The following ADAM22 variants were observed in gnomAD, a reference collection of about 807,000 sequenced individuals.
ADAM22 encodes the protein ADAM metallopeptidase domain 22, also known as disintegrin and metalloproteinase domain-containing protein 22.
A neutral mutation model predicts 144.6 loss-of-function variants in ADAM22; 65 were observed. The observed-to-expected ratio is 0.45, with a 90% confidence interval of 0.37 to 0.55. The LOEUF is 0.55. Among genes scored for constraint, ADAM22 ranks in the 20% least tolerant of loss-of-function variants. The probability of loss-of-function intolerance (pLI) is 0.00; values close to 1 mark genes in which losing one functional copy is unlikely to be tolerated. For synonymous variants in ADAM22, 391 were observed against 412.6 expected (o/e 0.95, Z 0.63); for missense variants, 974 against 1,184.9 (o/e 0.82, Z 2.61).
rs778652405 is a variant in ADAM22 at position 88,128,589 on chromosome 7, TC to T, written c.679-11del. ...GGGCTGAATTAGGTGCTGTTTCCTTTCCTGTGTTACAGCTTCGTCGATATCC... is the reference window on the plus strand; with the variant it reads ...GGGCTGAATTAGGTGCTGTTTCCTTTCTGTGTTACAGCTTCGTCGATATCC... On this transcript the variant is annotated splice_polypyrimidine_tract_variant and intron_variant, in intron 8 of 31. Coordinates refer to ENST00000413139, the MANE Select transcript of ADAM22 (RefSeq NM_001324418.2). 1 of 1,606,940 alleles carries T rather than the reference TC, an allele frequency of 6.2e-7. No individual in the cohort carries two copies.
rs575539712 is a variant in ADAM22, at chr7:87,994,832, AT to A, written c.323+16432del. 1.2e-3 allele frequency among the ~76,000 whole-genome samples: 179 copies of A among 145,474 alleles called. 1 individual carries two copies. Among genetic ancestry groups the A allele is most frequent in the Middle Eastern group, 7.1e-3 (2 of 280 alleles). On this transcript the variant is annotated intron_variant, in intron 3 of 31. Coordinates refer to ENST00000413139, the MANE Select transcript of ADAM22 (RefSeq NM_001324418.2). ...CTTTGAAACAGCTTTCTAGCATTGT[AT>A]TTTTTTTTTTTGGAGACGGAGTCTT...
intron 3 of ADAM22, among the ~76,000 whole-genome samples, chr7:88,039,122 A>G (rs892010574): frequency 6.6e-6 from 1 of 151,948 alleles, no homozygotes; most frequent in African/African-American, 2.4e-5. Flanking sequence ...ATAATCATCA[A>G]GTTTATGAGA....
intron 2 of ADAM22, among the ~76,000 whole-genome samples, chr7:87,959,756 G>A (rs1000638400): frequency 1.3e-5 from 2 of 152,156 alleles, no homozygotes; most frequent in Non-Finnish European, 1.5e-5. Flanking sequence ...TGAGTCTTCT[G>A]TGAAAATTAA....
intron 3 of ADAM22, among the ~76,000 whole-genome samples, chr7:88,036,121 C>A (rs892844770): frequency 1.1e-4 from 16 of 152,094 alleles, no homozygotes; most frequent in African/African-American, 3.9e-4. Context: ...TATCACAGTA[C>A]TTTTTATGCT....
chr7:87,978,355 C>T lies in ADAM22; in HGVS notation c.266C>T (p.Ala89Val). ...GGPQLTHVDQ[A>V]SFQVDAFGTS... ...TTGTAGTTGACTCATGTTGACCAAGCAAGCTTCCAGGTTGATGCCTTTGGA... is the reference window on the plus strand; with the variant it reads ...TTGTAGTTGACTCATGTTGACCAAGTAAGCTTCCAGGTTGATGCCTTTGGA... The change falls in exon 3 of 32, where the codon GCA becomes GTA. Residue 89 changes from alanine (A) to valine (V), a missense_variant. Physicochemically the swap from Ala to Val is moderately conservative, Grantham distance 64. This residue lies in a region of ADAM22 where 240 missense variants were observed against 234.3 expected (regional missense o/e 1.02). Coordinates refer to ENST00000413139, the MANE Select transcript of ADAM22 (RefSeq NM_001324418.2). The T allele has an allele frequency of 1.2e-6, 2 of 1,613,402 alleles. No homozygotes were observed. Among genetic ancestry groups the T allele is most frequent in the Non-Finnish European group, 1.7e-6 (2 of 1,179,710 alleles).
chr7:87,978,278 A>G, intron 2 of ADAM22, 58 bp from the exon 3 acceptor site: 2 of 1,264,192 alleles, frequency 1.6e-6, no homozygotes, highest in Non-Finnish European at 2.3e-6. Context: ...AAGAAAGACT[A>G]ATTGTCTGAT....
intron 2 of ADAM22, among the ~76,000 whole-genome samples, chr7:87,971,966 G>C (rs1172863118): frequency 6.6e-6 from 1 of 152,188 alleles, no homozygotes; most frequent in Non-Finnish European, 1.5e-5. Flanking sequence ...CAAGGCGGGT[G>C]GATCACGAGG....
chr7:87,983,167 T>C (rs2129449930), intron 3 of ADAM22, among the ~76,000 whole-genome samples: 1 of 152,302 alleles, frequency 6.6e-6, no homozygotes. Flanking sequence ...TAGATATTTT[T>C]GCCTCTTTTA....
At chr7:88,053,077 T>A (rs185325877) in intron 3 of ADAM22, among the ~76,000 whole-genome samples, 1 of 152,220 alleles carries the variant, frequency 6.6e-6, no homozygotes, top group South Asian at 2.1e-4. Context: ...GCAATATCTA[T>A]TATTGCATTT....
chr7:88,051,580 T>C (rs1286531377), intron 3 of ADAM22, among the ~76,000 whole-genome samples: 2 of 152,154 alleles, frequency 1.3e-5, no homozygotes, highest in South Asian at 2.1e-4. Flanking sequence ...AGGGATAGCA[T>C]TAGGAGATAT....
chr7:88,068,060 T>C (rs1274125885), intron 3 of ADAM22, among the ~76,000 whole-genome samples: 1 of 152,180 alleles, frequency 6.6e-6, no homozygotes, highest in Non-Finnish European at 1.5e-5. Context: ...ATAACAGTTT[T>C]GGCACTTTAA....
chr7:88,018,618 G>A (rs1026943684), intron 3 of ADAM22, among the ~76,000 whole-genome samples: 1 of 152,270 alleles, frequency 6.6e-6, no homozygotes, highest in East Asian at 1.9e-4. Context: ...TGACAATAAG[G>A]CACATTGTGA....
chr7:88,064,657 G>A (rs1009684753), intron 3 of ADAM22, among the ~76,000 whole-genome samples: 3 of 152,090 alleles, frequency 2.0e-5, no homozygotes, highest in Admixed American at 1.3e-4. Flanking sequence ...TTGTTTTCAC[G>A]TGGCAGACAG....
chr7:88,020,879 C>G (rs2129465749), intron 3 of ADAM22, among the ~76,000 whole-genome samples: 1 of 151,954 alleles, frequency 6.6e-6, no homozygotes, highest in East Asian at 1.9e-4. Flanking sequence ...CTTTTAGTAC[C>G]CTAGTTGGGG....
intron 2 of ADAM22, among the ~76,000 whole-genome samples, chr7:87,958,155 CCATTTGACATACA>C (rs1373067079): frequency 7.9e-5 from 12 of 152,038 alleles, no homozygotes; most frequent in Admixed American, 7.9e-4. Flanking sequence ...GCAGTATATA[CCATTTGACATACA>C]CATTTGACAT....
rs35145003 is a variant in ADAM22 at position 88,083,587 on chromosome 7, T to TTGTGTGTGTGTGTGTG, written c.390+7927_390+7942dup. ...TTTTTTTTCTCTTTTTACTTTGTGT[T>TTGTGTGTGTGTGTGTG]TGTGTGTGTGTGTGTGTGTGTGTGT... is the stretch of plus-strand genomic sequence containing the variant. On this transcript the variant is annotated intron_variant, in intron 4 of 31. Transcript: ENST00000413139. Among the ~76,000 whole-genome samples the TTGTGTGTGTGTGTGTG allele has an allele frequency of 2.1e-4, 27 of 126,740 alleles. 1 individual carries two copies. Among genetic ancestry groups the TTGTGTGTGTGTGTGTG allele is most frequent in the African/African-American group, 8.0e-4 (27 of 33,552 alleles). 83.1% of individuals were successfully genotyped at this position (126,740 alleles called of 152,430 possible).
At chr7:87,955,658 A>G (rs1217534019) in intron 2 of ADAM22, among the ~76,000 whole-genome samples, 1 of 152,150 alleles carries the variant, frequency 6.6e-6, no homozygotes, top group Non-Finnish European at 1.5e-5. Flanking sequence ...GCTCTCCTCA[A>G]AGTTGTCAGA....
chr7:88,176,468 A>T (rs1299544367), intron 26 of ADAM22, among the ~76,000 whole-genome samples: 1 of 152,186 alleles, frequency 6.6e-6, no homozygotes, highest in Admixed American at 6.5e-5. Flanking sequence ...ACAGTTTATG[A>T]TGTATTTAGC....
intron 5 of ADAM22, among the ~76,000 whole-genome samples, chr7:88,113,011 A>G (rs1477707831): frequency 2.0e-5 from 3 of 151,702 alleles, no homozygotes; most frequent in African/African-American, 7.3e-5. Context: ...TGTGAGCCCC[A>G]TGCCCAGCTC....
Sources: allele counts gnomAD v4.1 joint callset (sites outside exome capture counted in the v4.1 genomes callset), GRCh38; gene constraint gnomAD v4.1.1; regional missense constraint gnomAD v4.1.1; transcripts MANE v1.5; gene names NCBI Gene and HGNC (gene_info 2026-07-23, HGNC 2026-07-21).